SULT1A1: variants seen among roughly 807,000 people sequenced by gnomAD.
The protein encoded by SULT1A1 is sulfotransferase 1A1.
In SULT1A1, 35 loss-of-function variants were observed where a neutral mutation model predicts 36.8. The ratio of observed to expected loss-of-function variants is 0.95; its 90% CI spans 0.73 to 1.26. SULT1A1 has a LOEUF of 1.26. Among genes scored for constraint, SULT1A1 ranks in the 50% most tolerant of loss-of-function variants. The pLI, the probability that SULT1A1 is intolerant of heterozygous loss-of-function variation, is 0.00. For synonymous variants in SULT1A1, 119 were observed against 146.0 expected (o/e 0.82, Z 1.33); for missense variants, 309 against 383.0 (o/e 0.81, Z 1.61).
intron 2 of SULT1A1, among the ~76,000 whole-genome samples, chr16:28,618,120 G>C (rs1385825449): frequency 6.7e-6 from 1 of 148,894 alleles, no homozygotes; most frequent in Non-Finnish European, 1.5e-5. Flanking sequence ...GCTTATTGCA[G>C]CCTTGACCTC....
upstream of SULT1A1, chr16:28,610,249 A>AT: frequency 3.4e-6 from 1 of 298,322 alleles, no homozygotes; most frequent in South Asian, 3.5e-5. Context: ...TTGTTTTTGT[A>AT]GGTTTTTTTT....
chr16:28,623,275 C>G (rs2047694866), exon 1 of SULT1A1: 2 of 1,542,328 alleles, frequency 1.3e-6, no homozygotes, highest in African/African-American at 2.7e-5. Context: ...TGGAAGGTCA[C>G]CACCAACGTG....
intron 2 of SULT1A1, 50 bp downstream of exon 2, chr16:28,608,658 C>G: frequency 6.2e-7 from 1 of 1,611,214 alleles, no homozygotes; most frequent in Admixed American, 1.7e-5. Flanking sequence ...CCTCGCTGGC[C>G]AAGGTGGGGA....
Position 28,607,021 on chromosome 16 carries a change from G to C in SULT1A1, c.429C>G (p.Tyr143Ter). Residue 143 changes from tyrosine to a stop codon, truncating the protein, a stop_gained, in exon 5 of 8, where the codon TAC becomes TAG. Coordinates refer to ENST00000314752, the MANE Select transcript of SULT1A1 (RefSeq NM_001055.4). LOFTEE classifies it high-confidence loss of function. ...KDVAVSYYHF[Y>*]HMAKVHPEPG... is the part of the protein sequence containing the mutation. ...GCTCAGGGTGCACCTTGGCCATGTG[G>C]TAGAAGTGGTAGTAGGAAACTGCCA... The C allele has an allele frequency of 6.2e-7, 1 of 1,612,566 alleles. No individual in the cohort carries two copies. The highest frequency in any genetic ancestry group is 8.5e-7 in the Non-Finnish European group (1 of 1,178,740).
At position 28,608,521 on chromosome 16, in the gene SULT1A1, C is replaced by T. The variant is rs765399160; in HGVS notation, c.231G>A (p.Met77Ile). The change falls in exon 3 of 8, where the codon ATG becomes ATA. Residue 77 changes from methionine to isoleucine, a missense_variant. Transcript: ENST00000314752. Reference protein sequence around the residue: ...LEKCHRAPIFMRVPFLEFKAP... With the variant: ...LEKCHRAPIFIRVPFLEFKAP... ...CTTTGAACTCAAGGAAGGGCACCCG[C>T]ATGAAGATGGGAGCTCGGTGACACT... is the stretch of plus-strand genomic sequence containing the variant. 1.2e-6 allele frequency: 2 copies of T among 1,612,506 alleles called. No individual in the cohort carries two copies. Among genetic ancestry groups the T allele is most frequent in the Admixed American group, 3.3e-5 (2 of 59,910 alleles).
At chr16:28,615,064 C>T (rs1182723667) in intron 2 of SULT1A1, among the ~76,000 whole-genome samples, 431 of 104,658 alleles carry the variant, frequency 4.1e-3, no homozygotes, top group African/African-American at 0.013. Flanking sequence ...GACACCTGGC[C>T]GAACGGGTCA....
Position 28,608,369 on chromosome 16 carries a change from GTCTTTCAGAGTCTCCA to G in SULT1A1, c.278_293del (p.Met93ThrfsTer8). ...TCTTCAGGAGTCGTGGGGCCGGTGT[GTCTTTCAGAGTCTCCA>G]TCCCTGAGCAGTGGGTCAGGGAAGG... On this transcript the variant is annotated frameshift_variant, in exon 4 of 8. Coordinates refer to ENST00000314752, the MANE Select transcript of SULT1A1 (RefSeq NM_001055.4). LOFTEE classifies it high-confidence loss of function. 6.2e-7 allele frequency: 1 copy of G among 1,612,432 alleles called. No individual in the cohort carries two copies. The highest frequency in any genetic ancestry group is 8.5e-7 in the Non-Finnish European group (1 of 1,178,712).
At position 28,606,132 on chromosome 16, in the gene SULT1A1, C is replaced by A; in HGVS notation, c.699G>T (p.Lys233Asn). 1 of 1,610,952 alleles carries A rather than the reference C, an allele frequency of 6.2e-7. No homozygotes were observed. The highest frequency in any genetic ancestry group is 8.5e-7 in the Non-Finnish European group (1 of 1,178,024). ...TGGTGTAGTTGGTCATAGGGTTCTT[C>A]TTCATCTCCTTGAACGACGTGTGCT... ...VVQHTSFKEM[K>N]KNPMTNYTTV... Residue 233 changes from lysine (K) to asparagine (N), a missense_variant, in exon 7 of 8, where the codon AAG (lysine) becomes AAT (asparagine). Transcript: ENST00000314752.
intron 1 of SULT1A1, among the ~76,000 whole-genome samples, chr16:28,622,766 G>A (rs2047681065): frequency 6.6e-6 from 1 of 152,042 alleles, no homozygotes; most frequent in Admixed American, 6.6e-5. Context: ...TTTTCCCGTG[G>A]GCCTTTTTCA....
chr16:28,616,612 A>G (rs947996983), intron 2 of SULT1A1, among the ~76,000 whole-genome samples: 3 of 151,962 alleles, frequency 2.0e-5, no homozygotes, highest in Non-Finnish European at 2.9e-5. Flanking sequence ...AAATACAGAC[A>G]GGGTCTTGCT....
chr16:28,616,314 GTTTTATA>G (rs1208295153), intron 2 of SULT1A1, among the ~76,000 whole-genome samples: 1 of 152,142 alleles, frequency 6.6e-6, no homozygotes, highest in East Asian at 1.9e-4. Context: ...AACTATTCTT[GTTTTATA>G]TTTTATTATA....
In SULT1A1 at chr16:28,605,856, C is replaced by A. The variant is rs768659260; in HGVS notation, c.853G>T (p.Ala285Ser). The A allele has an allele frequency of 4.3e-5, 69 of 1,609,116 alleles. 4 individuals carry two copies. Among genetic ancestry groups the A allele is most frequent in the Non-Finnish European group, 5.9e-5 (69 of 1,177,902 alleles). Reference sequence around the variant, plus strand: ...GAGCGGAAGCTGAGGCTGCAGCCTGCCATCTTCTCCGCATAGTCCGCATCG... The same window carrying A: ...GAGCGGAAGCTGAGGCTGCAGCCTGACATCTTCTCCGCATAGTCCGCATCG... ...RFDADYAEKM[A>S]GCSLSFRSEL The change falls in exon 8 of 8, where the codon GCA becomes TCA. Residue 285 changes from alanine to serine, a missense_variant. Physicochemically the swap from Ala to Ser is moderately conservative, Grantham distance 99. Coordinates refer to ENST00000314752, the MANE Select transcript of SULT1A1 (RefSeq NM_001055.4).
rs781388510 is a variant in SULT1A1, at chr16:28,608,544, A to G, written c.208T>C (p.Cys70Arg). 6.2e-7 allele frequency: 1 copy of G among 1,612,440 alleles called. No individual in the cohort carries two copies. The highest frequency in any genetic ancestry group is 8.5e-7 in the Non-Finnish European group (1 of 1,178,682). ...MIYQGGDLEK[C>R]HRAPIFMRVP... ...CGCATGAAGATGGGAGCTCGGTGAC[A>G]CTTCTCCAGGTCACCACCCTGGTAG... is the stretch of plus-strand genomic sequence containing the variant. Residue 70 changes from cysteine (C) to arginine (R), a missense_variant, in exon 3 of 8, where the codon TGT (cysteine) becomes CGT (arginine). Around this residue, in one of 3 missense-constraint regions of SULT1A1, gnomAD observed 219 missense variants for 215.3 expected, o/e 1.02. Transcript: ENST00000314752.
At chr16:28,616,594 A>AT (rs1567316292) in intron 2 of SULT1A1, among the ~76,000 whole-genome samples, 3 of 151,644 alleles carry the variant, frequency 2.0e-5, no homozygotes, top group African/African-American at 7.3e-5. Flanking sequence ...GGCCAGTTTT[A>AT]TTTTTTTAAA....
chr16:28,607,069 A>G lies in SULT1A1; in HGVS notation c.381T>C (p.Tyr127=), dbSNP rs1284781111. The change falls in exon 5 of 8, where the codon TAT becomes TAC. Residue 127 remains tyrosine (Y), a synonymous_variant. Transcript: ENST00000314752. ...TLLDQKVKVV[Y]VARNAKDVAV... ...CCACATCCTTTGCGTTGCGGGCAAC[A>G]TAGACCACCTGCAGGGGCAGAAGAC... 1.9e-6 allele frequency: 3 copies of G among 1,612,446 alleles called. No homozygotes were observed. The highest frequency in any genetic ancestry group is 2.5e-6 in the Non-Finnish European group (3 of 1,178,646).
chr16:28,622,201 G>T (rs1365944644), intron 1 of SULT1A1, among the ~76,000 whole-genome samples: 1 of 151,420 alleles, frequency 6.6e-6, no homozygotes, highest in African/African-American at 2.4e-5. Flanking sequence ...TTTCTCTGGG[G>T]GACACACTAC....
At chr16:28,617,492 A>G (rs1359992606) in intron 2 of SULT1A1, among the ~76,000 whole-genome samples, 1 of 151,836 alleles carries the variant, frequency 6.6e-6, no homozygotes, top group Non-Finnish European at 1.5e-5. Context: ...TTTTTTGGGT[A>G]TCTTCCACTA....
chr16:28,606,732 A>G (rs377234606), intron 6 of SULT1A1, 29 bp downstream of exon 6: 12 of 1,609,782 alleles, frequency 7.5e-6, no homozygotes, highest in Middle Eastern at 1.8e-4. Context: ...CAGGAGTCAC[A>G]TGGAGGGAAG....
rs1229244235 is a variant in SULT1A1 at position 28,610,008 on chromosome 16, G to A, written c.-82C>T. The stretch of plus-strand genomic sequence containing the variant: ...GTGGGTGTTGTGTGGGGAATGCAGG[G>A]TTGTTCTCTGAGCTGAGGGTTTCCT... On this transcript the variant is annotated 5_prime_UTR_variant, in exon 1 of 8. Coordinates refer to ENST00000314752, the MANE Select transcript of SULT1A1 (RefSeq NM_001055.4). The A allele has an allele frequency of 4.7e-6, 6 of 1,286,250 alleles. No homozygotes were observed. The South Asian group carries it at 6.2e-5, about 13-fold the overall frequency. 79.7% of individuals were successfully genotyped at this position (1,286,250 alleles called of 1,614,324 possible).
Sources: gnomAD v4.1 joint callset for allele counts (sites outside exome capture counted in the v4.1 genomes callset) on GRCh38, gnomAD v4.1.1 for gene constraint, gnomAD v4.1.1 regional missense constraint, MANE v1.5 for transcripts, NCBI Gene and HGNC (gene_info 2026-07-23, HGNC 2026-07-21) for gene names.